The following SLC24A2 variants were observed in gnomAD, a reference collection of about 807,000 sequenced individuals.
SLC24A2 encodes solute carrier family 24 member 2, also known as sodium/potassium/calcium exchanger 2.
In SLC24A2, 36 loss-of-function variants were observed where a neutral mutation model predicts 62.0. That is an observed-to-expected ratio of 0.58 (90% CI 0.44 to 0.77). SLC24A2 has a LOEUF of 0.77. SLC24A2 is among the 30% of genes least tolerant of loss of function. The pLI is 0.00. For synonymous variants in SLC24A2, 358 were observed against 294.0 expected (o/e 1.22, Z -2.23); for missense variants, 846 against 817.9 (o/e 1.03, Z -0.42).
the SLC24A2 span, among the ~76,000 whole-genome samples, chr9:19,996,766 A>AT: frequency 3.3e-5 from 5 of 151,254 alleles, no homozygotes; most frequent in African/African-American, 1.2e-4. Context: ...AAAAAAAAAA[A>AT]AGGAGATCCA....
At chr9:19,889,567 G>T in the SLC24A2 span, among the ~76,000 whole-genome samples, 1 of 152,128 alleles carries the variant, frequency 6.6e-6, no homozygotes, top group South Asian at 2.1e-4. Context: ...GAGGGATGGG[G>T]TCCCCATTGC....
At chr9:19,902,504 T>C in the SLC24A2 span, among the ~76,000 whole-genome samples, 4 of 152,164 alleles carry the variant, frequency 2.6e-5, no homozygotes, top group Non-Finnish European at 1.5e-5. Flanking sequence ...AAACTCCTTA[T>C]CCTCCTCCTC....
At chr9:19,724,097 T>C (rs1056863083) in intron 2 of SLC24A2, among the ~76,000 whole-genome samples, 2 of 152,208 alleles carry the variant, frequency 1.3e-5, no homozygotes, top group Admixed American at 6.5e-5. Context: ...ATTTCCTATA[T>C]AGTGATATCA....
At chr9:19,866,609 A>T in the SLC24A2 span, among the ~76,000 whole-genome samples, 21 of 151,372 alleles carry the variant, frequency 1.4e-4, no homozygotes, top group Admixed American at 1.2e-3. Flanking sequence ...ACAAAAAGAC[A>T]AACATCACGT....
the SLC24A2 span, among the ~76,000 whole-genome samples, chr9:20,050,779 A>C: frequency 2.0e-5 from 3 of 152,180 alleles, no homozygotes; most frequent in Admixed American, 2.0e-4. Context: ...AACAACACAC[A>C]ATCAGTGATG....
the SLC24A2 span, among the ~76,000 whole-genome samples, chr9:19,978,352 T>C: frequency 1.3e-5 from 2 of 152,088 alleles, no homozygotes; most frequent in Admixed American, 6.6e-5. Context: ...TTATGAACTA[T>C]TGTTCAAAAA....
At chr9:19,671,068 C>T (rs972767783) in intron 2 of SLC24A2, among the ~76,000 whole-genome samples, 3 of 88,456 alleles carry the variant, frequency 3.4e-5, no homozygotes, top group Non-Finnish European at 5.5e-5. Context: ...TTTGGAAAAC[C>T]AAACATCACA....
At chr9:20,130,618 A>T in the SLC24A2 span, among the ~76,000 whole-genome samples, 1 of 152,164 alleles carries the variant, frequency 6.6e-6, no homozygotes, top group Non-Finnish European at 1.5e-5. Flanking sequence ...GAAATGGGAA[A>T]TGAATCAGAG....
intron 9 of SLC24A2, among the ~76,000 whole-genome samples, chr9:19,525,385 T>C (rs1833386903): frequency 7.2e-6 from 1 of 138,036 alleles, no homozygotes; most frequent in African/African-American, 2.7e-5. Flanking sequence ...TTTTCCTATT[T>C]CTTTACTTTT....
chr9:19,792,204 G>A (rs761712572), upstream of SLC24A2, among the ~76,000 whole-genome samples: 14 of 152,144 alleles, frequency 9.2e-5, no homozygotes, highest in Non-Finnish European at 1.5e-4. Context: ...TCCCCAGGGG[G>A]CCACAGTGTC....
At chr9:19,529,064 G>C (rs375362938) in intron 8 of SLC24A2, among the ~76,000 whole-genome samples, 138 of 152,158 alleles carry the variant, frequency 9.1e-4, no homozygotes, top group African/African-American at 2.7e-3. Context: ...GAAAAATTGG[G>C]GTCTTTTAAA....
At chr9:20,137,088 C>T in the SLC24A2 span, among the ~76,000 whole-genome samples, 2 of 151,950 alleles carry the variant, frequency 1.3e-5, no homozygotes, top group East Asian at 3.9e-4. Flanking sequence ...TAAGTATGGT[C>T]GAAAGTACTG....
chr9:19,541,398 T>C (rs1332096570), intron 8 of SLC24A2, among the ~76,000 whole-genome samples: 6 of 151,992 alleles, frequency 3.9e-5, no homozygotes, highest in Admixed American at 2.0e-4. Flanking sequence ...TAGATGTCCT[T>C]TCTGGTCGTT....
At chr9:19,859,840 T>C in the SLC24A2 span, among the ~76,000 whole-genome samples, 1 of 152,146 alleles carries the variant, frequency 6.6e-6, no homozygotes, top group African/African-American at 2.4e-5. Flanking sequence ...GCCCTTGTTA[T>C]AGCAGGAAGC....
At chr9:19,947,470 CAGGA>C in the SLC24A2 span, among the ~76,000 whole-genome samples, 3 of 149,376 alleles carry the variant, frequency 2.0e-5, no homozygotes, top group Non-Finnish European at 3.0e-5. Context: ...GGCAGGAAGG[CAGGA>C]AGGAAGGAAA....
chr9:20,286,061 G>C, the SLC24A2 span, among the ~76,000 whole-genome samples: 2 of 152,230 alleles, frequency 1.3e-5, no homozygotes, highest in African/African-American at 4.8e-5. Flanking sequence ...GGAAGGAAGA[G>C]AAAACAGCTT....
chr9:20,114,186 C>G, the SLC24A2 span, among the ~76,000 whole-genome samples: 1 of 152,108 alleles, frequency 6.6e-6, no homozygotes, highest in Admixed American at 6.6e-5. Context: ...CCCATTTCCA[C>G]TCCCAAATAG....
At chr9:19,819,453 A>G in the SLC24A2 span, among the ~76,000 whole-genome samples, 1 of 152,170 alleles carries the variant, frequency 6.6e-6, no homozygotes, top group Non-Finnish European at 1.5e-5. Context: ...TATACATCTG[A>G]CAAAGCACTA....
At chr9:19,840,539 GT>G in the SLC24A2 span, among the ~76,000 whole-genome samples, 1 of 152,028 alleles carries the variant, frequency 6.6e-6, no homozygotes, top group Non-Finnish European at 1.5e-5. Context: ...TTTTCTTCTG[GT>G]TTAATGAACA....
Sources: gnomAD v4.1 joint callset for allele counts (sites outside exome capture counted in the v4.1 genomes callset) on GRCh38, gnomAD v4.1.1 for gene constraint, MANE v1.5 for transcripts, NCBI Gene and HGNC (gene_info 2026-07-23, HGNC 2026-07-21) for gene names.